Variants in KCTD15 observed in about 807,000 individuals in gnomAD.
KCTD15 encodes the protein BTB/POZ domain-containing protein KCTD15.
A neutral mutation model predicts 27.2 loss-of-function variants in KCTD15; 11 were observed. The ratio of observed to expected loss-of-function variants is 0.41; its 90% CI spans 0.25 to 0.67. KCTD15 has a LOEUF of 0.67. Ranked by LOEUF, KCTD15 falls within the 30% of genes least tolerant of loss-of-function variation. The pLI is 0.35. For missense variants in KCTD15, 350 were observed against 409.3 expected, an observed-to-expected ratio of 0.86 and a Z score of 1.25; for synonymous variants, 163 against 176.0, an observed-to-expected ratio of 0.93 and a Z score of 0.58.
intron 6 of KCTD15, chr19:33,812,191 T>TA (rs2145498360): frequency 1.8e-6 from 2 of 1,125,988 alleles, no homozygotes; most frequent in Non-Finnish European, 2.2e-6. Context: ...AGACGGGTGT[T>TA]ACACGCAGTC....
upstream of KCTD15, among the ~76,000 whole-genome samples, chr19:33,795,062 A>C (rs894102178): frequency 5.9e-5 from 9 of 152,228 alleles, no homozygotes; most frequent in Admixed American, 2.6e-4. Flanking sequence ...CTGTTCCAGG[A>C]GCAGCTCAAA....
At chr19:33,812,186 G>T in intron 6 of KCTD15, 1 of 1,132,762 alleles carries the variant, frequency 8.8e-7, no homozygotes. Flanking sequence ...GCAGGAGACG[G>T]GTGTTACACG....
chr19:33,795,653 G>T (rs971155065), upstream of KCTD15, among the ~76,000 whole-genome samples: 13 of 152,088 alleles, frequency 8.5e-5, no homozygotes, highest in Admixed American at 5.9e-4. Context: ...GGAGGAGGAG[G>T]AGGCACGGGC....
Position 33,814,285 on chromosome 19 carries a change from C to G in KCTD15, c.*1337C>G, listed in dbSNP as rs1336035220. 6.6e-6 allele frequency: 1 copy of G among 152,560 alleles called. No homozygotes were observed. Among genetic ancestry groups the G allele is most frequent in the African/African-American group, 2.4e-5 (1 of 41,420 alleles). 9.5% of individuals were successfully genotyped at this position (152,560 alleles called of 1,614,324 possible). On this transcript the variant is annotated 3_prime_UTR_variant, in exon 7 of 7. Coordinates refer to ENST00000683859, the MANE Select transcript of KCTD15 (RefSeq NM_001129994.2). ...CTGTGCAGAAGCAGCAGCCAGACTC[C>G]CGCATTCGATGTTGTGCAGGGAGGT...
At chr19:33,807,740 C>T (rs146448802) in intron 5 of KCTD15, among the ~76,000 whole-genome samples, 40 of 151,864 alleles carry the variant, frequency 2.6e-4, no homozygotes, top group African/African-American at 8.9e-4. Context: ...AAGAAAAGGA[C>T]GGCTGTAATT....
chr19:33,803,189 T>A (rs529018230), intron 4 of KCTD15, among the ~76,000 whole-genome samples: 2 of 152,300 alleles, frequency 1.3e-5, no homozygotes, highest in Non-Finnish European at 2.9e-5. Flanking sequence ...GGGTGCTCTG[T>A]AGGCCTGAAG....
chr19:33,801,645 CG>C (rs1975551807), intron 4 of KCTD15: 6 of 282,060 alleles, frequency 2.1e-5, no homozygotes, highest in Admixed American at 2.1e-4. Flanking sequence ...CTGCCGGCAG[CG>C]GGCAGGGGAG....
chr19:33,812,786 G>A lies in KCTD15; in HGVS notation c.694-4G>A. On this transcript the variant is annotated splice_region_variant and splice_polypyrimidine_tract_variant and intron_variant, in intron 6 of 6. Transcript: ENST00000683859. The stretch of plus-strand genomic sequence containing the variant: ...CTTGATGACCTCTGTTTCTTCCTGG[G>A]CAGGTCCTGGAGCGGCTGTTCCAGA... 6.9e-7 allele frequency: 1 copy of A among 1,444,460 alleles called. No individual in the cohort carries two copies. The highest frequency in any genetic ancestry group is 9.1e-7 in the Non-Finnish European group (1 of 1,093,772). 89.5% of individuals were successfully genotyped at this position (1,444,460 alleles called of 1,614,324 possible). A position where few individuals can be genotyped will look rare whatever the true frequency, so the allele number is the denominator to read the frequency against.
chr19:33,797,432 A>C (rs1975373795), intron 1 of KCTD15: 1 of 453,434 alleles, frequency 2.2e-6, no homozygotes, highest in Non-Finnish European at 4.4e-6. Context: ...CTTGGCGCCC[A>C]AAATCAGAGA....
At position 33,812,893 on chromosome 19, in the gene KCTD15, G is replaced by A. The variant is rs1053943248; in HGVS notation, c.797G>A (p.Arg266Gln). 35 of 1,549,898 alleles carry A rather than the reference G, an allele frequency of 2.3e-5. No individual in the cohort carries two copies. The highest frequency in any genetic ancestry group is 2.0e-4 in the Admixed American group (10 of 50,834). ...FSEYVLCREERRPQPTPTAVR... is the reference protein window; with the variant it reads ...FSEYVLCREEQRPQPTPTAVR... Reference sequence around the variant, plus strand: ...GAGTATGTGCTTTGCCGGGAGGAGCGGCGGCCGCAGCCCACCCCCACTGCT... The same window carrying A: ...GAGTATGTGCTTTGCCGGGAGGAGCAGCGGCCGCAGCCCACCCCCACTGCT... The change falls in exon 7 of 7, where the codon CGG becomes CAG. Residue 266 changes from arginine (R) to glutamine (Q), a missense_variant. Coordinates refer to ENST00000683859, the MANE Select transcript of KCTD15 (RefSeq NM_001129994.2).
rs777023855 is a variant in KCTD15, at chr19:33,800,476, C to T, written c.22C>T (p.Pro8Ser). 5.6e-6 allele frequency: 9 copies of T among 1,605,552 alleles called. No individual in the cohort carries two copies. The South Asian group carries it at 1.0e-4, about 18-fold the overall frequency. The change falls in exon 3 of 7, where the codon CCG (proline) becomes TCG (serine). Residue 8 changes from proline to serine, a missense_variant. This residue lies in a region of KCTD15 where 77 missense variants were observed against 72.7 expected (regional missense o/e 1.06). Coordinates refer to ENST00000683859, the MANE Select transcript of KCTD15 (RefSeq NM_001129994.2). ...CTAGATGCCTCACCGCAAGGAGCGG[C>T]CGAGCGGGTCCTCGCTTCACACACA... The part of the protein sequence containing the change: MPHRKER[P>S]SGSSLHTHGS...
chr19:33,811,789 A>T, intron 6 of KCTD15: 2 of 1,603,280 alleles, frequency 1.2e-6, no homozygotes, highest in South Asian at 2.3e-5. Flanking sequence ...TTTTTCCAAA[A>T]GGATGTTCTA....
At chr19:33,796,713 G>A (rs1975326798), upstream of KCTD15, 1 of 145,628 alleles carries the variant, frequency 6.9e-6, no homozygotes, top group African/African-American at 2.6e-5. Flanking sequence ...AGGAGGCGGC[G>A]GCGGCGGAGG....
intron 4 of KCTD15, among the ~76,000 whole-genome samples, chr19:33,802,798 G>A (rs1034125320): frequency 6.6e-6 from 1 of 152,234 alleles, no homozygotes; most frequent in African/African-American, 2.4e-5. Context: ...GTTTGTGAGT[G>A]AAATTCATAA....
At chr19:33,811,927 G>A (rs1168283872) in intron 6 of KCTD15, 1 of 1,549,510 alleles carries the variant, frequency 6.5e-7, no homozygotes, top group Non-Finnish European at 8.7e-7. Flanking sequence ...GTGGTCTGGA[G>A]CCCCTTCCCT....
chr19:33,813,622 C>T lies in KCTD15; in HGVS notation c.*674C>T, dbSNP rs181407939. 14 of 328,494 alleles carry T rather than the reference C, an allele frequency of 4.3e-5. No individual in the cohort carries two copies. The highest frequency in any genetic ancestry group is 2.8e-4 in the East Asian group (3 of 10,890). 20.3% of individuals were successfully genotyped at this position (328,494 alleles called of 1,614,324 possible). A position where few individuals can be genotyped will look rare whatever the true frequency, so the allele number is the denominator to read the frequency against. ...ATTCTGTAACCACCTGAGACCTTCA[C>T]GTTTGCTGCCGTTGGGGGCTCAGGC... On this transcript the variant is annotated 3_prime_UTR_variant, in exon 7 of 7. Transcript: ENST00000683859.
chr19:33,803,757 T>C (rs559536479), intron 4 of KCTD15, among the ~76,000 whole-genome samples: 9 of 152,006 alleles, frequency 5.9e-5, no homozygotes, highest in Admixed American at 2.0e-4. Context: ...CCATCCTGAC[T>C]ATGGGAAGCA....
intron 5 of KCTD15, 51 bp from the exon 6 acceptor site, chr19:33,811,196 C>CCCCCCCCCAAA: frequency 1.5e-6 from 2 of 1,291,862 alleles, no homozygotes; most frequent in South Asian, 1.5e-5. Flanking sequence ...CCCCTTCCCC[C>CCCCCCCCCAAA]ACCACCCCTA....
chr19:33,811,015 G>A (rs929727449), intron 5 of KCTD15, among the ~76,000 whole-genome samples: 1 of 152,114 alleles, frequency 6.6e-6, no homozygotes, highest in Non-Finnish European at 1.5e-5. Flanking sequence ...AGGGGGGCTG[G>A]CACAGGTGCA....
Sources: allele counts gnomAD v4.1 joint callset (sites outside exome capture counted in the v4.1 genomes callset), GRCh38; gene constraint gnomAD v4.1.1; regional missense constraint gnomAD v4.1.1; transcripts MANE v1.5; gene names NCBI Gene and HGNC (gene_info 2026-07-23, HGNC 2026-07-21).